ZNF280C: variants seen among roughly 807,000 people sequenced by gnomAD.
ZNF280C encodes zinc finger protein 280C, also known as suppressor of hairy wing homolog 3.
ZNF280C carries 14 observed loss-of-function variants against 53.6 expected under a neutral mutation model. The observed-to-expected ratio is 0.26, with a 90% CI of 0.17 to 0.41. The LOEUF (loss-of-function observed/expected upper bound fraction) is 0.41. Ranked by LOEUF, ZNF280C falls within the 10% of genes least tolerant of loss-of-function variation. The probability of loss-of-function intolerance (pLI) is 1.00; values close to 1 mark genes in which losing one functional copy is unlikely to be tolerated. For synonymous variants in ZNF280C, 203 were observed against 181.1 expected (o/e 1.12, Z -0.97); for missense variants, 416 against 547.1 (o/e 0.76, Z 2.39).
intron 2 of ZNF280C, among the ~76,000 whole-genome samples, chrX:130,255,446 T>A (rs1603245998): frequency 1.0e-5 from 1 of 97,187 alleles, no homozygotes. Flanking sequence ...GGCCGAAAAA[T>A]CATTTTCAAA....
At chrX:130,226,108 T>C (rs1269842834) in intron 12 of ZNF280C, among the ~76,000 whole-genome samples, 2 of 112,469 alleles carry the variant, frequency 1.8e-5, no homozygotes, top group Non-Finnish European at 3.8e-5. Context: ...AGAAATTATA[T>C]AGCAGAACTG....
At chrX:130,234,687 C>G (rs2032313094) in intron 8 of ZNF280C, among the ~76,000 whole-genome samples, 1 of 111,603 alleles carries the variant, frequency 9.0e-6, no homozygotes, top group African/African-American at 3.3e-5. Flanking sequence ...TTGCCCCTTC[C>G]TGTCATTTAC....
intron 15 of ZNF280C, among the ~76,000 whole-genome samples, chrX:130,213,106 A>C (rs209230): frequency 0.49 from 53,709 of 110,075 alleles, 9,856 homozygotes; most frequent in African/African-American, 0.66. Flanking sequence ...GTAATCCCAG[A>C]ACTTTGGGAG....
At chrX:130,267,473 C>T (rs1290723928) in intron 1 of ZNF280C, among the ~76,000 whole-genome samples, 2 of 111,654 alleles carry the variant, frequency 1.8e-5, no homozygotes, top group Non-Finnish European at 3.8e-5. Flanking sequence ...TCCATCACTT[C>T]CTAGGCACAT....
intron 6 of ZNF280C, 30 bp from the exon 7 acceptor site, chrX:130,236,669 T>G (rs1472790446): frequency 1.9e-6 from 2 of 1,032,025 alleles, no homozygotes; most frequent in Non-Finnish European, 2.6e-6. Flanking sequence ...GAGAAAGATA[T>G]TTGTAAATAT....
At chrX:130,205,437 T>G in intron 16 of ZNF280C, 22 bp from the exon 17 acceptor site, 1 of 1,014,730 alleles carries the variant, frequency 9.9e-7, no homozygotes, top group Non-Finnish European at 1.4e-6. Flanking sequence ...AAGAAGACAG[T>G]AAGAAATATT....
chrX:130,237,745 A>G (rs183391420), intron 6 of ZNF280C, among the ~76,000 whole-genome samples: 130 of 111,393 alleles, frequency 1.2e-3, no homozygotes, highest in Middle Eastern at 4.6e-3. Flanking sequence ...TTCCTTAAAC[A>G]GAAATGATTT....
Position 130,226,850 on chromosome X carries a change from G to T in ZNF280C, c.1304C>A (p.Ala435Asp). The T allele has an allele frequency of 8.3e-7, 1 of 1,207,967 alleles. No homozygotes were observed. Among genetic ancestry groups the T allele is most frequent in the Non-Finnish European group, 1.1e-6 (1 of 893,790 alleles). ...TAGCAAGTTCTTAGTGTTTTCATGG[G>T]CTGCTCTAAAATGAGCTTCTACATC... Reference protein sequence around the residue: ...FSDVEAHFRAAHENTKNLLCP... With the variant: ...FSDVEAHFRADHENTKNLLCP... The change falls in exon 12 of 19, where the codon GCC becomes GAC. Residue 435 changes from alanine to aspartate, a missense_variant. Coordinates refer to ENST00000370978, the MANE Select transcript of ZNF280C (RefSeq NM_017666.5).
intron 2 of ZNF280C, among the ~76,000 whole-genome samples, 188 bp from the exon 3 acceptor site, chrX:130,247,193 C>T (rs2032459460): frequency 1.8e-5 from 2 of 112,159 alleles, no homozygotes; most frequent in Admixed American, 1.9e-4. Flanking sequence ...ACTGCAACCT[C>T]CGCCTCCTGG....
intron 14 of ZNF280C, 38 bp downstream of exon 14, chrX:130,215,753 T>C: frequency 1.8e-6 from 2 of 1,096,634 alleles, no homozygotes; most frequent in South Asian, 4.4e-5. Flanking sequence ...ATACATAAGA[T>C]TAAATTTGTA....
intron 17 of ZNF280C, 71 bp downstream of exon 17, chrX:130,205,226 C>T: frequency 9.2e-7 from 1 of 1,087,727 alleles, no homozygotes. Context: ...TACATGGGTC[C>T]ATATGGTGTC....
chrX:130,264,671 A>G (rs772761926), intron 1 of ZNF280C, among the ~76,000 whole-genome samples: 57 of 110,744 alleles, frequency 5.1e-4, no homozygotes, highest in Middle Eastern at 9.5e-3. Flanking sequence ...AGTAGGGAAT[A>G]TATTATATAT....
In ZNF280C at chrX:130,243,672, C is replaced by G. The variant is rs1451623486; in HGVS notation, c.272G>C (p.Ser91Thr). 2 of 1,209,899 alleles carry G rather than the reference C, an allele frequency of 1.7e-6. No homozygotes were observed. Among genetic ancestry groups the G allele is most frequent in the Middle Eastern group, 2.3e-4 (1 of 4,339 alleles). The change falls in exon 5 of 19, where the codon AGT becomes ACT. Residue 91 changes from serine (S) to threonine (T), a missense_variant. Around this residue, in one of 3 missense-constraint regions of ZNF280C, gnomAD observed 193 missense variants for 201.4 expected, o/e 0.96. Transcript: ENST00000370978. ...TGATGGTGGGTCTCTGCAGCGTTGA[C>G]TTGCAGTCCTGAATATTTCAGGAAT... The part of the protein sequence containing the change: ...PGIPEIFRTA[S>T]QRCRDPPSNP...
chrX:130,263,817 G>A (rs2032656622), intron 1 of ZNF280C, among the ~76,000 whole-genome samples: 1 of 110,108 alleles, frequency 9.1e-6, no homozygotes, highest in Non-Finnish European at 1.9e-5. Flanking sequence ...GCAAAGTCAG[G>A]AGTTCGAGAC....
rs374640222 is a variant in ZNF280C at position 130,261,605 on chromosome X, T to G, written c.-16-1140A>C. Among the ~76,000 whole-genome samples the G allele has an allele frequency of 1.6e-4, 18 of 112,319 alleles. No individual in the cohort carries two copies. The East Asian group carries it at 4.2e-3, about 26-fold the overall frequency. On this transcript the variant is annotated intron_variant, in intron 1 of 18. Coordinates refer to ENST00000370978, the MANE Select transcript of ZNF280C (RefSeq NM_017666.5). ...TGTAATTCAGTAAATGTCCCTAGTTTTGAGGTCTGACTATTCAAATCTCTT... is the reference window on the plus strand; with the variant it reads ...TGTAATTCAGTAAATGTCCCTAGTTGTGAGGTCTGACTATTCAAATCTCTT...
chrX:130,228,194 G>A (rs209227), intron 10 of ZNF280C, among the ~76,000 whole-genome samples: 54,552 of 110,996 alleles, frequency 0.49, 10,113 homozygotes, highest in African/African-American at 0.68. Context: ...CATGGAATCT[G>A]GGTGTTCTAA....
At chrX:130,228,617 CTTTTTTTTTTTTTT>C (rs35926660) in intron 10 of ZNF280C, among the ~76,000 whole-genome samples, 1 of 58,413 alleles carries the variant, frequency 1.7e-5, no homozygotes, top group African/African-American at 8.4e-5. Context: ...TTTTCTTCTA[CTTTTTTTTTTTTTT>C]TTTTTTTTTG....
At chrX:130,227,819 A>G (rs754139884) in intron 10 of ZNF280C, 37 bp from the exon 11 acceptor site, 11 of 760,417 alleles carry the variant, frequency 1.4e-5, no homozygotes, top group Non-Finnish European at 2.2e-5. Flanking sequence ...CCATTTAAGG[A>G]TGTATATAAA....
At chrX:130,242,541 TTTG>T (rs1025481135) in intron 5 of ZNF280C, among the ~76,000 whole-genome samples, 8 of 111,858 alleles carry the variant, frequency 7.2e-5, no homozygotes, top group African/African-American at 2.3e-4. Flanking sequence ...AGTTTTTTAT[TTTG>T]TTGTTGTCTT....
Sources: gnomAD v4.1 joint callset for allele counts (sites outside exome capture counted in the v4.1 genomes callset) on GRCh38, gnomAD v4.1.1 for gene constraint, gnomAD v4.1.1 regional missense constraint, MANE v1.5 for transcripts, NCBI Gene and HGNC (gene_info 2026-07-23, HGNC 2026-07-21) for gene names.